Variants in CRACR2B observed in about 807,000 individuals in gnomAD.
CRACR2B encodes EF-hand calcium-binding domain-containing protein 4A.
A neutral mutation model predicts 46.0 loss-of-function variants in CRACR2B; 50 were observed. The observed-to-expected ratio is 1.09, with a 90% CI of 0.87 to 1.38. CRACR2B has a LOEUF of 1.38. CRACR2B is among the 40% of genes most tolerant of loss of function. CRACR2B has a pLI of 0.00. For missense variants in CRACR2B, 667 were observed against 535.0 expected, an observed-to-expected ratio of 1.25 and a Z score of -2.43; for synonymous variants, 277 against 239.6, an observed-to-expected ratio of 1.16 and a Z score of -1.44.
chr11:831,244 G>C lies in CRACR2B; in HGVS notation c.974G>C (p.Arg325Thr). ...QTQRDVVAVS[R>T]NMQKEKVSLL... ...CACAGAGACGTGGTCGCCGTCTCCA[G>C]GAACATGCAGAAAGAGAAAGTCAGC... is the stretch of plus-strand genomic sequence containing the variant. Residue 325 changes from arginine to threonine, a missense_variant, in exon 8 of 9, where the codon AGG becomes ACG. Coordinates refer to ENST00000525077, the MANE Select transcript of CRACR2B (RefSeq NM_001286606.2). The C allele has an allele frequency of 6.2e-7, 1 of 1,610,836 alleles. No individual in the cohort carries two copies. The highest frequency in any genetic ancestry group is 8.5e-7 in the Non-Finnish European group (1 of 1,179,372).
chr11:830,204 T>A, intron 4 of CRACR2B, 46 bp from the exon 5 acceptor site: 1 of 1,494,860 alleles, frequency 6.7e-7, no homozygotes, highest in Non-Finnish European at 8.9e-7. Flanking sequence ...GCCAGGGGGC[T>A]GTAGCGCTGG....
At position 830,211 on chromosome 11, in the gene CRACR2B, C is replaced by T. The variant is rs964837637; in HGVS notation, c.606-39C>T. ...GAGGCGGTGCCAGGGGGCTGTAGCG[C>T]TGGCAAGTTCTCATCCGGGGTCGCC... On this transcript the variant is annotated intron_variant, in intron 4 of 8. Transcript: ENST00000525077. The T allele has an allele frequency of 2.6e-5, 39 of 1,493,502 alleles. No individual in the cohort carries two copies. In the Admixed American group the frequency reaches 2.8e-4, roughly 11 times the overall value. The allele number at this position is 1,493,502 out of a possible 1,614,324, so 92.5% of individuals were successfully genotyped here. A position where few individuals can be genotyped will look rare whatever the true frequency, so the allele number is the denominator to read the frequency against.
At position 830,011 on chromosome 11, in the gene CRACR2B, G is replaced by A. The variant is rs1186626866; in HGVS notation, c.484G>A (p.Ala162Thr). 5.1e-6 allele frequency: 8 copies of A among 1,571,886 alleles called. No homozygotes were observed. The highest frequency in any genetic ancestry group is 6.0e-6 in the Non-Finnish European group (7 of 1,165,224). ...GCAGCGGGCTGTGAGGACGCTCTGG[G>A]CCAGGCTGCAGCGCGAGCGCCCCGA... is the stretch of plus-strand genomic sequence containing the variant. ...GKQRAVRTLW[A>T]RLQRERPELL... The change falls in exon 4 of 9, where the codon GCC becomes ACC. Residue 162 changes from alanine to threonine, a missense_variant. Transcript: ENST00000525077.
chr11:829,794 A>G (rs1263048935), intron 3 of CRACR2B, 192 bp from the exon 4 acceptor site: 5 of 1,183,848 alleles, frequency 4.2e-6, no homozygotes, highest in African/African-American at 1.6e-5. Flanking sequence ...GGCACTGCCC[A>G]GGGTACACAC....
rs1165916304 is a variant in CRACR2B, at chr11:831,028, C to A, written c.949C>A (p.Gln317Lys). The A allele has an allele frequency of 2.0e-6, 3 of 1,534,758 alleles. No homozygotes were observed. Among genetic ancestry groups the A allele is most frequent in the Non-Finnish European group, 2.6e-6 (3 of 1,146,554 alleles). Residue 317 changes from glutamine (Q) to lysine (K), a missense_variant, in exon 7 of 9, where the codon CAA (glutamine) becomes AAA (lysine). Transcript: ENST00000525077. The part of the protein sequence containing the change: ...SEARGRQEQT[Q>K]RDVVAVSRNM... ...AGCACGAGGCCGCCAGGAGCAAACC[C>A]AACGGTGCCGTGGGACGGGGCTGGG...
At position 830,275 on chromosome 11, in the gene CRACR2B, G is replaced by T; in HGVS notation, c.631G>T (p.Val211Leu). ...RRRESEHEREVRALYEETEQL... is the reference protein window; with the variant it reads ...RRRESEHERELRALYEETEQL... ...GCGCGAGAGCGAGCACGAGAGGGAG[G>T]TGCGCGCTCTGTACGAGGAGACGGA... Residue 211 changes from valine to leucine, a missense_variant, in exon 5 of 9, where the codon GTG (valine) becomes TTG (leucine). Transcript: ENST00000525077. 6.6e-7 allele frequency: 1 copy of T among 1,525,032 alleles called. No individual in the cohort carries two copies. Among genetic ancestry groups the T allele is most frequent in the Non-Finnish European group, 8.8e-7 (1 of 1,134,450 alleles). The allele number at this position is 1,525,032 out of a possible 1,614,324, so 94.5% of individuals were successfully genotyped here.
Position 831,253 on chromosome 11 carries a change from A to G in CRACR2B, c.983A>G (p.Gln328Arg), listed in dbSNP as rs775238953. Residue 328 changes from glutamine to arginine, a missense_variant, in exon 8 of 9, where the codon CAG (glutamine) becomes CGG (arginine). Coordinates refer to ENST00000525077, the MANE Select transcript of CRACR2B (RefSeq NM_001286606.2). ...GTGGTCGCCGTCTCCAGGAACATGC[A>G]GAAAGAGAAAGTCAGCCTGCTACGG... ...RDVVAVSRNM[Q>R]KEKVSLLRQL... is the part of the protein sequence containing the mutation. The G allele has an allele frequency of 6.2e-7, 1 of 1,610,798 alleles. No homozygotes were observed. Among genetic ancestry groups the G allele is most frequent in the Non-Finnish European group, 8.5e-7 (1 of 1,179,288 alleles).
upstream of CRACR2B, among the ~76,000 whole-genome samples, chr11:826,970 G>A (rs34408050): frequency 6.6e-6 from 1 of 152,244 alleles, no homozygotes; most frequent in Non-Finnish European, 1.5e-5. Context: ...CCCCGGACAG[G>A]AGGGGCCCCT....
Position 828,764 on chromosome 11 carries a change from G to C in CRACR2B, c.157G>C (p.Asp53His). The change falls in exon 1 of 9, where the codon GAC becomes CAC. Residue 53 changes from aspartate (D) to histidine (H), a missense_variant. Physicochemically the swap from Asp to His is moderately conservative, Grantham distance 81. Transcript: ENST00000525077. ...KEAKGFITKHDLQGLQSDLPL... is the reference protein window; with the variant it reads ...KEAKGFITKHHLQGLQSDLPL... The stretch of plus-strand genomic sequence containing the variant: ...GGCTAAGGGCTTCATCACCAAGCAC[G>C]ACCTGCAGGTGAGTCCCCCACCCCA... 6.2e-7 allele frequency: 1 copy of C among 1,613,476 alleles called. No homozygotes were observed. The highest frequency in any genetic ancestry group is 1.1e-5 in the South Asian group (1 of 91,078).
chr11:829,241 G>A, intron 2 of CRACR2B, 119 bp from the exon 3 acceptor site: 1 of 1,473,690 alleles, frequency 6.8e-7, no homozygotes, highest in Non-Finnish European at 9.0e-7. Context: ...ACCAGAATAA[G>A]GAAGGAAAAC....
chr11:827,455 C>A, upstream of CRACR2B: 2 of 737,260 alleles, frequency 2.7e-6, no homozygotes, highest in Non-Finnish European at 3.3e-6. Context: ...CGCAAGGCGG[C>A]AGGGGTAAGG....
rs1470710409 is a variant in CRACR2B at position 830,953 on chromosome 11, C to A, written c.874C>A (p.Arg292=). Residue 292 remains arginine (R), a synonymous_variant, in exon 7 of 9, where the codon CGA becomes AGA. Transcript: ENST00000525077. ...SQLWRAHEAL[R]TQLEGAQEQI... is the part of the protein sequence containing the mutation. ...GCTGTGGCGGGCGCACGAGGCGCTGCGAACGCAGCTGGAGGGGGCGCAGGA... is the reference window on the plus strand; with the variant it reads ...GCTGTGGCGGGCGCACGAGGCGCTGAGAACGCAGCTGGAGGGGGCGCAGGA... The A allele has an allele frequency of 6.5e-7, 1 of 1,533,366 alleles. No individual in the cohort carries two copies. The highest frequency in any genetic ancestry group is 2.0e-5 in the Admixed American group (1 of 50,976). The allele number at this position is 1,533,366 out of a possible 1,614,324, so 95.0% of individuals were successfully genotyped here. A position where few individuals can be genotyped will look rare whatever the true frequency, so the allele number is the denominator to read the frequency against.
chr11:831,837 A>C lies in CRACR2B; in HGVS notation c.*128A>C. 2 of 1,195,016 alleles carry C rather than the reference A, an allele frequency of 1.7e-6. No homozygotes were observed. Among genetic ancestry groups the C allele is most frequent in the South Asian group, 1.7e-5 (1 of 58,438 alleles). The allele number at this position is 1,195,016 out of a possible 1,614,324, so 74.0% of individuals were successfully genotyped here. On this transcript the variant is annotated 3_prime_UTR_variant, in exon 9 of 9. Coordinates refer to ENST00000525077, the MANE Select transcript of CRACR2B (RefSeq NM_001286606.2). Reference sequence around the variant, plus strand: ...GCCCCAGGCTCGCCTGACTGAAGACATGAAGGACCTAGCCTAGGAGTGGTC... The same window carrying C: ...GCCCCAGGCTCGCCTGACTGAAGACCTGAAGGACCTAGCCTAGGAGTGGTC...
intron 4 of CRACR2B, 44 bp downstream of exon 4, chr11:830,176 G>A (rs1846281714): frequency 8.7e-6 from 13 of 1,501,970 alleles, no homozygotes; most frequent in South Asian, 1.3e-5. Flanking sequence ...AGGGCCTCAG[G>A]GCAGCAGCAG....
In CRACR2B at chr11:828,935, C is replaced by A. The variant is rs1460690181; in HGVS notation, c.249C>A (p.Leu83=). Residue 83 remains leucine (L), a synonymous_variant, in exon 2 of 9, where the codon CTC becomes CTA. Coordinates refer to ENST00000525077, the MANE Select transcript of CRACR2B (RefSeq NM_001286606.2). ...ESLDRAHTGF[L]TAREFCLGLG... The stretch of plus-strand genomic sequence containing the variant: ...TGGACCGGGCTCACACTGGCTTCCT[C>A]ACCGCCAGGGAGTTCTGCCTGGGCC... 6.2e-7 allele frequency: 1 copy of A among 1,606,316 alleles called. No homozygotes were observed. Among genetic ancestry groups the A allele is most frequent in the African/African-American group, 1.3e-5 (1 of 75,050 alleles).
Position 828,362 on chromosome 11 carries a change from TG to T in CRACR2B, c.-242del. ...CAGCCTCCTGAGATGCCAGACCCAC[TG>T]GGGCAGTACCCACAGGCCCTGAGCC... is the stretch of plus-strand genomic sequence containing the variant. On this transcript the variant is annotated 5_prime_UTR_variant, in exon 1 of 9. An upstream open reading frame in the 5' UTR gains an earlier in-frame stop. Transcript: ENST00000525077. 2.0e-6 allele frequency: 1 copy of T among 495,816 alleles called. No individual in the cohort carries two copies. The highest frequency in any genetic ancestry group is 3.5e-6 in the Non-Finnish European group (1 of 284,592). 30.7% of individuals were successfully genotyped at this position (495,816 alleles called of 1,614,324 possible). A position where few individuals can be genotyped will look rare whatever the true frequency, so the allele number is the denominator to read the frequency against.
In CRACR2B at chr11:830,852, C is replaced by T. The variant is rs544007324; in HGVS notation, c.787-14C>T. The T allele has an allele frequency of 6.6e-4, 1,001 of 1,514,130 alleles. 10 individuals are homozygous for T. In the African/African-American group the frequency reaches 0.012, roughly 19 times the overall value. 93.8% of individuals were successfully genotyped at this position (1,514,130 alleles called of 1,614,324 possible). A position where few individuals can be genotyped will look rare whatever the true frequency, so the allele number is the denominator to read the frequency against. On this transcript the variant is annotated splice_polypyrimidine_tract_variant and intron_variant, in intron 6 of 8. Coordinates refer to ENST00000525077, the MANE Select transcript of CRACR2B (RefSeq NM_001286606.2). Reference sequence around the variant, plus strand: ...GGGGCGTTCCTCGCCGGTCTCCATCCTTCCACCCTCCAGTTAGAGCAGCAG... The same window carrying T: ...GGGGCGTTCCTCGCCGGTCTCCATCTTTCCACCCTCCAGTTAGAGCAGCAG...
chr11:829,076 G>T, intron 2 of CRACR2B, 113 bp downstream of exon 2: 4 of 1,427,864 alleles, frequency 2.8e-6, no homozygotes, highest in Non-Finnish European at 3.8e-6. Flanking sequence ...CCTCCCTCCA[G>T]GGCCCGTGCT....
Position 828,851 on chromosome 11 carries a change from G to A in CRACR2B, c.166-1G>A, listed in dbSNP as rs1565099848. On this transcript the variant is annotated splice_acceptor_variant, in intron 1 of 8. Transcript: ENST00000525077. LOFTEE classifies it high-confidence loss of function. ...CATCTCTGCTCTCCTTCCCCGACCA[G>A]GGTCTCCAGAGCGACCTGCCCCTCA... The A allele has an allele frequency of 6.2e-7, 1 of 1,610,808 alleles. No individual in the cohort carries two copies. The highest frequency in any genetic ancestry group is 1.1e-5 in the South Asian group (1 of 91,068).
Sources: gnomAD v4.1 joint callset for allele counts (sites outside exome capture counted in the v4.1 genomes callset) on GRCh38, gnomAD v4.1.1 for gene constraint, MANE v1.5 for transcripts, NCBI Gene and HGNC (gene_info 2026-07-23, HGNC 2026-07-21) for gene names.